Variants in CACNG3 observed in about 807,000 individuals in gnomAD.
CACNG3 encodes the protein voltage-dependent calcium channel gamma-3 subunit.
A neutral mutation model predicts 28.5 loss-of-function variants in CACNG3; 3 were observed. The ratio of observed to expected loss-of-function variants is 0.11; its 90% CI spans 0.05 to 0.27. CACNG3 has a LOEUF of 0.27. CACNG3 is among the 10% of genes least tolerant of loss of function. CACNG3 has a pLI of 1.00. For synonymous variants in CACNG3, 174 were observed against 162.2 expected, an observed-to-expected ratio of 1.07 and a Z score of -0.55; for missense variants, 236 against 414.4, an observed-to-expected ratio of 0.57 and a Z score of 3.74.
At chr16:24,358,612 G>A (rs1387751443) in intron 3 of CACNG3, among the ~76,000 whole-genome samples, 2 of 152,180 alleles carry the variant, frequency 1.3e-5, no homozygotes, top group African/African-American at 2.4e-5. Context: ...AGCAATGAAG[G>A]AGATAAGCCT....
intron 2 of CACNG3, among the ~76,000 whole-genome samples, chr16:24,348,238 A>ATTT (rs200432788): frequency 1.4e-5 from 2 of 147,374 alleles, no homozygotes; most frequent in African/African-American, 2.5e-5. Flanking sequence ...ACTCTACAGA[A>ATTT]TTTTTTTTTT....
chr16:24,322,983 T>C (rs1012304401), intron 1 of CACNG3, among the ~76,000 whole-genome samples: 3 of 151,956 alleles, frequency 2.0e-5, no homozygotes, highest in African/African-American at 7.2e-5. Flanking sequence ...CCTAGCACTT[T>C]GGGAGGTTGA....
chr16:24,308,550 C>A (rs1049772842), intron 1 of CACNG3, among the ~76,000 whole-genome samples: 4 of 152,142 alleles, frequency 2.6e-5, no homozygotes, highest in East Asian at 3.9e-4. Flanking sequence ...CCATTGTAAG[C>A]ACTTAATTAA....
intron 1 of CACNG3, among the ~76,000 whole-genome samples, chr16:24,270,271 A>G (rs1205802189): frequency 6.6e-6 from 1 of 152,246 alleles, no homozygotes; most frequent in Non-Finnish European, 1.5e-5. Flanking sequence ...AGCAGTTAAT[A>G]AAGATGTATA....
At chr16:24,352,527 GTTGTTGT>G (rs1342542355) in intron 2 of CACNG3, among the ~76,000 whole-genome samples, 1 of 60,134 alleles carries the variant, frequency 1.7e-5, no homozygotes, top group Non-Finnish European at 3.6e-5. Flanking sequence ...TTTTTTTGTT[GTTGTTGT>G]TTGTTTGTTT....
intron 1 of CACNG3, among the ~76,000 whole-genome samples, chr16:24,335,377 G>T (rs768974664): frequency 5.9e-5 from 9 of 152,060 alleles, no homozygotes; most frequent in Non-Finnish European, 7.4e-5. Flanking sequence ...CCAAGATCGC[G>T]CCACTGCACT....
intron 2 of CACNG3, among the ~76,000 whole-genome samples, chr16:24,349,482 G>A (rs1417097374): frequency 2.6e-5 from 4 of 152,196 alleles, no homozygotes; most frequent in African/African-American, 7.2e-5. Flanking sequence ...TGGTAAACAG[G>A]AGGCGAATTA....
intron 1 of CACNG3, among the ~76,000 whole-genome samples, chr16:24,285,902 G>C (rs763228690): frequency 1.1e-4 from 16 of 146,736 alleles, no homozygotes; most frequent in Admixed American, 4.8e-4. Context: ...GGAGAGCAGT[G>C]GCGCGATCTC....
chr16:24,361,107 T>C lies in CACNG3; in HGVS notation c.437-245T>C, dbSNP rs1401908949. 6.6e-6 allele frequency among the ~76,000 whole-genome samples: 1 copy of C among 152,226 alleles called. No homozygotes were observed. The highest frequency in any genetic ancestry group is 1.5e-5 in the Non-Finnish European group (1 of 68,044). ...AATAAGTGCATTCTGAGTTCTTCCG[T>C]ACTTGCTGTAGGAGTAGGGTGTATT... On this transcript the variant is annotated intron_variant, in intron 3 of 3. Transcript: ENST00000005284. This position sits in a 1 kb window ranked among gnomAD's most constrained non-coding sequence, Gnocchi z 6.8.
rs571761150 is a variant in CACNG3 at position 24,332,681 on chromosome 16, T to G, written c.212-14053T>G. Among the ~76,000 whole-genome samples the G allele has an allele frequency of 3.9e-5, 6 of 152,224 alleles. No individual in the cohort carries two copies. In the South Asian group the frequency reaches 1.2e-3, roughly 32 times the overall value. On this transcript the variant is annotated intron_variant, in intron 1 of 3. Coordinates refer to ENST00000005284, the MANE Select transcript of CACNG3 (RefSeq NM_006539.4). Reference sequence around the variant, plus strand: ...ACTATGAATTCATTATCCAAATCCCTGTGTGCGCAAGGTTGCACGGACAGG... The same window carrying G: ...ACTATGAATTCATTATCCAAATCCCGGTGTGCGCAAGGTTGCACGGACAGG...
At chr16:24,322,966 C>T (rs1041010200) in intron 1 of CACNG3, among the ~76,000 whole-genome samples, 2 of 152,140 alleles carry the variant, frequency 1.3e-5, no homozygotes, top group African/African-American at 4.8e-5. Context: ...CAGCTCACAC[C>T]TGTAATCCTA....
intron 1 of CACNG3, among the ~76,000 whole-genome samples, chr16:24,326,494 C>T (rs964355655): frequency 6.6e-6 from 1 of 152,202 alleles, no homozygotes; most frequent in African/African-American, 2.4e-5. Flanking sequence ...CTCAACATTT[C>T]TAACCAATGT....
chr16:24,317,624 A>AAGACAGAC (rs1186622277), intron 1 of CACNG3, among the ~76,000 whole-genome samples: 3 of 56,646 alleles, frequency 5.3e-5, no homozygotes, highest in African/African-American at 7.5e-5. Context: ...GAAAGAAAGA[A>AAGACAGAC]AGACAGACAG....
intron 1 of CACNG3, among the ~76,000 whole-genome samples, chr16:24,293,315 T>C (rs765762771): frequency 6.6e-6 from 1 of 152,194 alleles, no homozygotes; most frequent in Non-Finnish European, 1.5e-5. Flanking sequence ...AGGATGGGTC[T>C]AGATGACCTC....
chr16:24,356,144 T>C (rs1438652427), intron 3 of CACNG3, among the ~76,000 whole-genome samples: 1 of 152,010 alleles, frequency 6.6e-6, no homozygotes, highest in Non-Finnish European at 1.5e-5. Context: ...TCAGTGCCAT[T>C]TGGATGAAAT....
intron 1 of CACNG3, among the ~76,000 whole-genome samples, chr16:24,259,523 C>T (rs1237274525): frequency 2.6e-5 from 4 of 152,196 alleles, no homozygotes; most frequent in Non-Finnish European, 4.4e-5. Flanking sequence ...TGGGGGTTTT[C>T]GTAGCTCCAT....
At chr16:24,358,617 A>G (rs992431097) in intron 3 of CACNG3, among the ~76,000 whole-genome samples, 2 of 152,172 alleles carry the variant, frequency 1.3e-5, no homozygotes, top group Non-Finnish European at 2.9e-5. Flanking sequence ...TGAAGGAGAT[A>G]AGCCTAGTCC....
chr16:24,356,263 A>C (rs938347521), intron 3 of CACNG3, among the ~76,000 whole-genome samples: 4 of 152,150 alleles, frequency 2.6e-5, no homozygotes, highest in African/African-American at 7.2e-5. Flanking sequence ...TGGGATGGGG[A>C]CAGCGGTGGA....
intron 1 of CACNG3, among the ~76,000 whole-genome samples, chr16:24,282,023 T>C (rs1465237274): frequency 6.6e-6 from 1 of 152,126 alleles, no homozygotes. Flanking sequence ...TCTAAACCAC[T>C]ACTCTATGAC....
Sources: allele counts gnomAD v4.1 joint callset (sites outside exome capture counted in the v4.1 genomes callset), GRCh38; gene constraint gnomAD v4.1.1; non-coding constraint Gnocchi (gnomAD v3.1); transcripts MANE v1.5; gene names NCBI Gene and HGNC (gene_info 2026-07-23, HGNC 2026-07-21).